The following HDAC9 variants were observed in gnomAD, a reference collection of about 807,000 sequenced individuals.
HDAC9 encodes the protein MEF-2 interacting transcription repressor (MITR) protein.
In HDAC9, 41 loss-of-function variants were observed where a neutral mutation model predicts 139.4. That is an observed-to-expected ratio of 0.29 (90% confidence interval 0.23 to 0.38). HDAC9 has a LOEUF of 0.38. Among genes scored for constraint, HDAC9 ranks in the 10% least tolerant of loss-of-function variants. The pLI, the probability that HDAC9 is intolerant of heterozygous loss-of-function variation, is 1.00. For synonymous variants in HDAC9, 517 were observed against 476.2 expected, an observed-to-expected ratio of 1.09 and a Z score of -1.12; for missense variants, 1,147 against 1,297.0, an observed-to-expected ratio of 0.88 and a Z score of 1.78.
intron 1 of HDAC9, among the ~76,000 whole-genome samples, chr7:18,371,557 A>G (rs1426375687): frequency 6.6e-6 from 1 of 152,126 alleles, no homozygotes; most frequent in Non-Finnish European, 1.5e-5. Flanking sequence ...GGAATTCCAC[A>G]GCAAAAGCAA....
At chr7:18,273,055 C>CTTTTT (rs1491175072) in intron 2 of HDAC9, among the ~76,000 whole-genome samples, 6 of 68,230 alleles carry the variant, frequency 8.8e-5, no homozygotes, top group Non-Finnish European at 1.3e-4. Context: ...TCCCCTTCTT[C>CTTTTT]GTTTTTTTTT....
intron 2 of HDAC9, among the ~76,000 whole-genome samples, chr7:18,555,056 A>G (rs573660377): frequency 3.9e-4 from 60 of 152,360 alleles, no homozygotes; most frequent in Admixed American, 3.9e-3. Flanking sequence ...TGATGAAAAC[A>G]TATAAAATGT....
At chr7:18,877,908 A>G (rs1490480823) in intron 22 of HDAC9, among the ~76,000 whole-genome samples, 1 of 152,140 alleles carries the variant, frequency 6.6e-6, no homozygotes, top group African/African-American at 2.4e-5. Context: ...TGAAGTTTTA[A>G]TCAACAATCT....
chr7:18,279,817 G>A (rs1485885128), intron 2 of HDAC9, among the ~76,000 whole-genome samples: 3 of 151,910 alleles, frequency 2.0e-5, no homozygotes, highest in Non-Finnish European at 4.4e-5. Flanking sequence ...GTTTCAAAGA[G>A]GCCTGATTCA....
At chr7:18,108,581 A>C (rs1282895295) in intron 1 of HDAC9, among the ~76,000 whole-genome samples, 1 of 149,890 alleles carries the variant, frequency 6.7e-6, no homozygotes, top group Non-Finnish European at 1.5e-5. Context: ...AACATACTTT[A>C]AAATGTTGAG....
At chr7:18,742,109 C>A (rs905939092) in intron 13 of HDAC9, among the ~76,000 whole-genome samples, 1 of 152,172 alleles carries the variant, frequency 6.6e-6, no homozygotes, top group Non-Finnish European at 1.5e-5. Context: ...GTTGATAAAG[C>A]AGCAGCAGAG....
Position 18,746,315 on chromosome 7 carries a change from A to G in HDAC9, c.1910-2690A>G, listed in dbSNP as rs1400773908. The stretch of plus-strand genomic sequence containing the variant: ...GTAGTAACTCATAAATACTTGATAT[A>G]TTTAAATTGTGAAGACACGTCTTAC... On this transcript the variant is annotated intron_variant, in intron 13 of 25. Transcript: ENST00000686413. Among the ~76,000 whole-genome samples, 3 of 152,252 alleles carry G rather than the reference A, an allele frequency of 2.0e-5. No individual in the cohort carries two copies. In the South Asian group the frequency reaches 6.2e-4, roughly 31 times the overall value.
At chr7:18,655,649 A>G (rs1474996427) in intron 11 of HDAC9, among the ~76,000 whole-genome samples, 1 of 152,170 alleles carries the variant, frequency 6.6e-6, no homozygotes, top group Non-Finnish European at 1.5e-5. Flanking sequence ...AAACAAAATG[A>G]CCATTTCAGT....
At chr7:18,733,762 T>A (rs535235269) in intron 13 of HDAC9, among the ~76,000 whole-genome samples, 1 of 152,242 alleles carries the variant, frequency 6.6e-6, no homozygotes, top group African/African-American at 2.4e-5. Context: ...CCTTCACACA[T>A]GTTTTGAAGA....
chr7:18,555,398 T>C (rs1818487823), intron 2 of HDAC9, among the ~76,000 whole-genome samples: 1 of 152,182 alleles, frequency 6.6e-6, no homozygotes, highest in African/African-American at 2.4e-5. Flanking sequence ...TGGTTAATTA[T>C]TGACAATCCA....
intron 22 of HDAC9, among the ~76,000 whole-genome samples, chr7:18,904,701 G>C (rs139312399): frequency 0.02 from 3,002 of 148,594 alleles, 103 homozygotes; most frequent in East Asian, 0.16. Flanking sequence ...TCAGCCTTCC[G>C]AGTAGCTGGG....
chr7:18,466,257 C>A (rs1016411226), intron 1 of HDAC9, among the ~76,000 whole-genome samples: 8 of 152,086 alleles, frequency 5.3e-5, no homozygotes, highest in African/African-American at 1.9e-4. Context: ...AGTGCAGTGG[C>A]GTGATTTCAG....
intron 1 of HDAC9, among the ~76,000 whole-genome samples, chr7:18,390,626 A>G (rs924543595): frequency 1.3e-5 from 2 of 152,176 alleles, no homozygotes; most frequent in Non-Finnish European, 2.9e-5. Context: ...TTCAAAGGAT[A>G]TATTTCAGTC....
intron 21 of HDAC9, among the ~76,000 whole-genome samples, chr7:18,861,453 C>T (rs939757000): frequency 1.3e-5 from 2 of 152,082 alleles, no homozygotes; most frequent in African/African-American, 4.8e-5. Context: ...CCATTTTGCC[C>T]AGCTCCCTAT....
At chr7:18,125,186 C>T (rs1009969025) in intron 1 of HDAC9, among the ~76,000 whole-genome samples, 2 of 152,066 alleles carry the variant, frequency 1.3e-5, no homozygotes, top group African/African-American at 4.8e-5. Context: ...GGTACCCCCC[C>T]ATCTTTTACC....
At chr7:18,637,919 A>G (rs531622240) in intron 8 of HDAC9, among the ~76,000 whole-genome samples, 7 of 152,010 alleles carry the variant, frequency 4.6e-5, no homozygotes, top group African/African-American at 1.7e-4. Flanking sequence ...AACTGGAGAA[A>G]AGAAAAAAAA....
chr7:18,448,487 A>G (rs535453785), intron 1 of HDAC9, among the ~76,000 whole-genome samples: 5 of 152,330 alleles, frequency 3.3e-5, no homozygotes, highest in Non-Finnish European at 7.4e-5. Flanking sequence ...GTATGGTTGT[A>G]TTCAAATTGA....
intron 2 of HDAC9, among the ~76,000 whole-genome samples, chr7:18,180,263 A>ACACACACCCCCCCC (rs1554322968): frequency 6.7e-6 from 1 of 149,542 alleles, no homozygotes; most frequent in Admixed American, 6.6e-5. Flanking sequence ...ACACACACAC[A>ACACACACCCCCCCC]CACACACACA....
chr7:18,423,565 G>T (rs1789840299), intron 1 of HDAC9, among the ~76,000 whole-genome samples: 2 of 152,322 alleles, frequency 1.3e-5, no homozygotes, highest in Admixed American at 6.5e-5. Flanking sequence ...TTTGCTCATG[G>T]TTCTGCATTT....
Sources: allele counts gnomAD v4.1 joint callset (sites outside exome capture counted in the v4.1 genomes callset), GRCh38; gene constraint gnomAD v4.1.1; transcripts MANE v1.5; gene names NCBI Gene and HGNC (gene_info 2026-07-23, HGNC 2026-07-21).